MYRIP: variants seen among roughly 807,000 people sequenced by gnomAD.
MYRIP encodes the protein myosin VIIA and Rab interacting protein.
MYRIP carries 49 observed loss-of-function variants against 98.0 expected under a neutral mutation model. The observed-to-expected ratio is 0.50, with a 90% CI of 0.40 to 0.63. The LOEUF is 0.63. MYRIP is among the 30% of genes least tolerant of loss of function. The pLI is 0.00. For synonymous variants in MYRIP, 404 were observed against 409.5 expected, an observed-to-expected ratio of 0.99 and a Z score of 0.16; for missense variants, 1,004 against 1,058.2, an observed-to-expected ratio of 0.95 and a Z score of 0.71.
intron 3 of MYRIP, among the ~76,000 whole-genome samples, chr3:40,090,184 C>A (rs1224651028): frequency 1.3e-5 from 2 of 152,126 alleles, no homozygotes; most frequent in African/African-American, 4.8e-5. Context: ...AATCCCTGAT[C>A]TTTCTGGGCC....
intron 1 of MYRIP, among the ~76,000 whole-genome samples, chr3:39,812,164 C>T (rs567324767): frequency 6.6e-6 from 1 of 152,248 alleles, no homozygotes; most frequent in East Asian, 1.9e-4. Flanking sequence ...TGATTAAGAC[C>T]CAGAATATTT....
In MYRIP at chr3:40,250,281, A is replaced by G. The variant is rs750722994; in HGVS notation, c.2322A>G (p.Pro774=). ...ALTIAGLNIA[P]CVRFTRRRDQ... is the part of the protein sequence containing the mutation. Reference sequence around the variant, plus strand: ...CCATTGCAGGATTAAACATAGCACCATGTGTGCGCTTCACAAGAAGACGGG... The same window carrying G: ...CCATTGCAGGATTAAACATAGCACCGTGTGTGCGCTTCACAAGAAGACGGG... The change falls in exon 14 of 17, where the codon CCA becomes CCG. Residue 774 remains proline, a synonymous_variant. Coordinates refer to ENST00000302541, the MANE Select transcript of MYRIP (RefSeq NM_015460.4). 1 of 1,614,128 alleles carries G rather than the reference A, an allele frequency of 6.2e-7. No homozygotes were observed. Among genetic ancestry groups the G allele is most frequent in the Non-Finnish European group, 8.5e-7 (1 of 1,179,994 alleles).
intron 3 of MYRIP, among the ~76,000 whole-genome samples, chr3:40,045,379 G>T (rs1947649645): frequency 6.6e-6 from 1 of 152,126 alleles, no homozygotes; most frequent in Non-Finnish European, 1.5e-5. Flanking sequence ...TGCTACGCAG[G>T]TCCTGTGCCT....
At chr3:40,206,374 G>C (rs1951792599) in intron 10 of MYRIP, among the ~76,000 whole-genome samples, 2 of 152,140 alleles carry the variant, frequency 1.3e-5, no homozygotes, top group South Asian at 4.1e-4. Context: ...GGTGCTTCCA[G>C]TTATGCTCAT....
At chr3:39,822,273 T>G (rs1401356542) in intron 1 of MYRIP, among the ~76,000 whole-genome samples, 1 of 152,216 alleles carries the variant, frequency 6.6e-6, no homozygotes, top group African/African-American at 2.4e-5. Flanking sequence ...AATTTGCATG[T>G]CCATCATTTC....
intron 1 of MYRIP, among the ~76,000 whole-genome samples, chr3:39,859,600 C>T (rs540035267): frequency 6.6e-6 from 1 of 152,226 alleles, no homozygotes; most frequent in East Asian, 1.9e-4. Flanking sequence ...CTCTGATGAA[C>T]ATAGATGTAA....
intron 10 of MYRIP, among the ~76,000 whole-genome samples, chr3:40,193,171 C>G (rs1426238139): frequency 6.6e-6 from 1 of 152,170 alleles, no homozygotes; most frequent in East Asian, 1.9e-4. Flanking sequence ...GGCATTCAAC[C>G]TGCAAAAGAT....
At chr3:39,923,653 G>C (rs979678374) in intron 2 of MYRIP, among the ~76,000 whole-genome samples, 1 of 152,154 alleles carries the variant, frequency 6.6e-6, no homozygotes, top group Admixed American at 6.5e-5. Flanking sequence ...TGCTAAGGAA[G>C]TGATAACAGA....
intron 12 of MYRIP, among the ~76,000 whole-genome samples, chr3:40,240,801 C>G (rs999548948): frequency 6.6e-6 from 1 of 152,114 alleles, no homozygotes; most frequent in Non-Finnish European, 1.5e-5. Flanking sequence ...TAAATTCTTG[C>G]TGTGAAGAGC....
chr3:39,943,863 G>A (rs754276268), intron 2 of MYRIP, among the ~76,000 whole-genome samples: 19 of 152,130 alleles, frequency 1.2e-4, no homozygotes, highest in African/African-American at 4.6e-4. Flanking sequence ...TATGGACCCT[G>A]ATCGATTCAA....
intron 4 of MYRIP, among the ~76,000 whole-genome samples, chr3:40,156,247 G>A (rs996649330): frequency 1.3e-5 from 2 of 151,928 alleles, no homozygotes; most frequent in African/African-American, 4.8e-5. Context: ...TATTAAATAG[G>A]GAATCCTTTC....
At chr3:40,087,668 A>T (rs1226550175) in intron 3 of MYRIP, among the ~76,000 whole-genome samples, 2 of 152,182 alleles carry the variant, frequency 1.3e-5, no homozygotes, top group African/African-American at 4.8e-5. Flanking sequence ...AAATACTACT[A>T]CCTTGTACAT....
chr3:39,823,667 A>G (rs1231481437), intron 1 of MYRIP, among the ~76,000 whole-genome samples: 8 of 152,110 alleles, frequency 5.3e-5, no homozygotes, highest in Admixed American at 3.3e-4. Flanking sequence ...AGAAATGTCT[A>G]CTTAGAGCAT....
chr3:40,061,994 A>G lies in MYRIP; in HGVS notation c.332+17723A>G, dbSNP rs1948027269. Among the ~76,000 whole-genome samples, 3 of 152,156 alleles carry G rather than the reference A, an allele frequency of 2.0e-5. No homozygotes were observed. In the South Asian group the frequency reaches 6.2e-4, roughly 32 times the overall value. ...GTTTAATTCCTTATAGATGCTGGAT[A>G]TTAGACTTTTTTCTGATGCGTAGTT... On this transcript the variant is annotated intron_variant, in intron 3 of 16. Transcript: ENST00000302541.
chr3:39,989,913 C>T (rs1395148824), intron 2 of MYRIP, among the ~76,000 whole-genome samples: 1 of 152,220 alleles, frequency 6.6e-6, no homozygotes, highest in Non-Finnish European at 1.5e-5. Flanking sequence ...CTGCCCTTCA[C>T]CTGCCCTTAG....
At chr3:39,974,408 A>G (rs1187856676) in intron 2 of MYRIP, among the ~76,000 whole-genome samples, 1 of 152,184 alleles carries the variant, frequency 6.6e-6, no homozygotes, top group Non-Finnish European at 1.5e-5. Context: ...GGCAATAATT[A>G]ATAGCTTACC....
rs554291905 is a variant in MYRIP at position 40,212,223 on chromosome 3, TATAC to T, written c.1905+2132_1905+2135del. ...ATATATACGTGTGTGTATATATATA[TATAC>T]ACACACACACACACACACATATATA... On this transcript the variant is annotated intron_variant, in intron 11 of 16. Coordinates refer to ENST00000302541, the MANE Select transcript of MYRIP (RefSeq NM_015460.4). 1.2e-3 allele frequency among the ~76,000 whole-genome samples: 93 copies of T among 77,592 alleles called. 27 individuals carry two copies. The South Asian group carries it at 0.015, about 12-fold the overall frequency. The allele number at this position is 77,592 out of a possible 152,430, so 50.9% of individuals were successfully genotyped here.
At chr3:39,830,096 TCA>T (rs1432437429) in intron 1 of MYRIP, among the ~76,000 whole-genome samples, 1 of 152,226 alleles carries the variant, frequency 6.6e-6, no homozygotes, top group Non-Finnish European at 1.5e-5. Flanking sequence ...TAAAAGTTCC[TCA>T]GTGTCTCTTT....
chr3:40,038,603 T>C (rs1188963025), intron 2 of MYRIP, among the ~76,000 whole-genome samples: 1 of 152,118 alleles, frequency 6.6e-6, no homozygotes, highest in Non-Finnish European at 1.5e-5. Flanking sequence ...GAGAAATTTG[T>C]GAACCACTTT....
Sources: gnomAD v4.1 joint callset for allele counts (sites outside exome capture counted in the v4.1 genomes callset) on GRCh38, gnomAD v4.1.1 for gene constraint, MANE v1.5 for transcripts, NCBI Gene and HGNC (gene_info 2026-07-23, HGNC 2026-07-21) for gene names.